Variants in CA10 observed in about 807,000 individuals in gnomAD.
The protein encoded by CA10 is carbonic anhydrase-related protein 10.
Under a neutral mutation model 44.2 loss-of-function variants are expected in CA10, and 14 were observed. The observed-to-expected ratio is 0.32, with a 90% CI of 0.21 to 0.50. The LOEUF (loss-of-function observed/expected upper bound fraction) is 0.50, where lower values mean the gene tolerates loss of function less well. Ranked by LOEUF, CA10 falls within the 20% of genes least tolerant of loss-of-function variation. CA10 has a pLI of 0.99. For missense variants in CA10, 350 were observed against 409.7 expected (o/e 0.85, Z 1.26); for synonymous variants, 159 against 141.6 (o/e 1.12, Z -0.87).
At chr17:52,084,369 C>A (rs1401302810) in intron 1 of CA10, among the ~76,000 whole-genome samples, 3 of 152,220 alleles carry the variant, frequency 2.0e-5, no homozygotes, top group Non-Finnish European at 2.9e-5. Flanking sequence ...ATCCACACAG[C>A]ATTTGCTGAG....
intron 1 of CA10, among the ~76,000 whole-genome samples, chr17:52,118,947 G>A (rs927924771): frequency 6.6e-6 from 1 of 152,056 alleles, no homozygotes; most frequent in African/African-American, 2.4e-5. Flanking sequence ...TTGTGACATT[G>A]GAATAATGAA....
intron 3 of CA10, among the ~76,000 whole-genome samples, chr17:51,877,564 A>G (rs1050313857): frequency 2.6e-5 from 4 of 152,150 alleles, no homozygotes; most frequent in Non-Finnish European, 4.4e-5. Flanking sequence ...AGCTTCTTCA[A>G]TGCACCTTGG....
chr17:51,756,717 C>T (rs1489396315), intron 3 of CA10, among the ~76,000 whole-genome samples: 1 of 152,006 alleles, frequency 6.6e-6, no homozygotes, highest in Non-Finnish European at 1.5e-5. Flanking sequence ...ACCTCATGAT[C>T]CGCCCGTCTT....
intron 2 of CA10, among the ~76,000 whole-genome samples, chr17:52,012,658 C>T (rs1233584548): frequency 6.6e-6 from 1 of 152,000 alleles, no homozygotes; most frequent in African/African-American, 2.4e-5. Context: ...GAATCATACA[C>T]ACAGAAGATT....
At chr17:51,644,021 C>G (rs1913215421) in intron 6 of CA10, among the ~76,000 whole-genome samples, 1 of 152,148 alleles carries the variant, frequency 6.6e-6, no homozygotes, top group South Asian at 2.1e-4. Flanking sequence ...ACACTGCCTC[C>G]CATGGGTGTG....
At chr17:51,696,910 C>T (rs909167194) in intron 4 of CA10, among the ~76,000 whole-genome samples, 8 of 152,080 alleles carry the variant, frequency 5.3e-5, no homozygotes, top group South Asian at 2.1e-4. Context: ...TATTCTTCTG[C>T]ACAGCAAAGA....
intron 3 of CA10, among the ~76,000 whole-genome samples, chr17:51,867,764 G>A (rs1457387334): frequency 1.3e-5 from 2 of 152,156 alleles, no homozygotes; most frequent in Non-Finnish European, 2.9e-5. Flanking sequence ...CAGACCTAGA[G>A]GGAATTGGTA....
chr17:51,798,056 C>T (rs575608614), intron 3 of CA10, among the ~76,000 whole-genome samples: 7 of 152,176 alleles, frequency 4.6e-5, no homozygotes, highest in Non-Finnish European at 1.0e-4. Context: ...AATGGGACTA[C>T]GAGACTAGAA....
At position 51,878,924 on chromosome 17, in the gene CA10, GTGTGTT is replaced by G. The variant is rs1303415813; in HGVS notation, c.279+52060_279+52065del. 5.0e-4 allele frequency among the ~76,000 whole-genome samples: 65 copies of G among 130,246 alleles called. 2 individuals are homozygous for G. In the South Asian group the frequency reaches 7.5e-3, roughly 15 times the overall value. The allele number at this position is 130,246 out of a possible 152,430, so 85.4% of individuals were successfully genotyped here. Reference sequence around the variant, plus strand: ...TGTGTGTGTGTGTGTATGTGTGTATGTGTGTTTGTGTATATATATATATAATGAACA... The same window carrying G: ...TGTGTGTGTGTGTGTATGTGTGTATGTGTGTATATATATATATAATGAACA... On this transcript the variant is annotated intron_variant, in intron 3 of 8. Transcript: ENST00000451037.
chr17:52,021,390 C>T (rs1986134999), intron 2 of CA10, among the ~76,000 whole-genome samples: 1 of 152,076 alleles, frequency 6.6e-6, no homozygotes, highest in Admixed American at 6.6e-5. Context: ...CTTCAAACTG[C>T]TTTCCACAGT....
chr17:52,146,731 C>T (rs1989597914), intron 1 of CA10, among the ~76,000 whole-genome samples: 1 of 151,694 alleles, frequency 6.6e-6, no homozygotes, highest in Non-Finnish European at 1.5e-5. Flanking sequence ...TAAGATGTGG[C>T]AATGTGACTG....
rs148761511 is a variant in CA10 at position 52,126,137 on chromosome 17, T to C, written c.61+31589A>G. The stretch of plus-strand genomic sequence containing the variant: ...TGGTAAGTGTTATGTGAAAAAACAT[T>C]GCTATGATATTGCTCATCCTATCCT... On this transcript the variant is annotated intron_variant, in intron 1 of 8. Coordinates refer to ENST00000451037, the MANE Select transcript of CA10 (RefSeq NM_020178.5). Among the ~76,000 whole-genome samples, 1,159 of 152,278 alleles carry C rather than the reference T, an allele frequency of 7.6e-3. 15 individuals carry two copies. Among genetic ancestry groups the C allele is most frequent in the African/African-American group, 0.026 (1,101 of 41,548 alleles).
intron 1 of CA10, among the ~76,000 whole-genome samples, chr17:52,126,173 G>A (rs1989114939): frequency 6.6e-6 from 1 of 152,154 alleles, no homozygotes; most frequent in Non-Finnish European, 1.5e-5. Flanking sequence ...GGACAAACCT[G>A]TTAAAGCTCT....
At chr17:51,859,514 T>C (rs1979207071) in intron 3 of CA10, among the ~76,000 whole-genome samples, 1 of 152,146 alleles carries the variant, frequency 6.6e-6, no homozygotes, top group Non-Finnish European at 1.5e-5. Flanking sequence ...GGATACCCAG[T>C]CACACAGTGA....
chr17:51,835,344 A>G (rs557672304), intron 3 of CA10, among the ~76,000 whole-genome samples: 2 of 152,238 alleles, frequency 1.3e-5, no homozygotes, highest in African/African-American at 4.8e-5. Context: ...GAGAAGAGAG[A>G]CCACTTTCCC....
At chr17:51,852,270 T>C (rs565657825) in intron 3 of CA10, among the ~76,000 whole-genome samples, 21 of 152,318 alleles carry the variant, frequency 1.4e-4, no homozygotes, top group African/African-American at 4.1e-4. Flanking sequence ...AGATTTCAGC[T>C]GCACCGAGTC....
intron 4 of CA10, among the ~76,000 whole-genome samples, chr17:51,711,277 T>C (rs1314824565): frequency 6.6e-6 from 1 of 152,124 alleles, no homozygotes; most frequent in Non-Finnish European, 1.5e-5. Flanking sequence ...TCAGCGGGTG[T>C]GTTGTTCTGG....
At chr17:51,919,092 A>G (rs536636338) in intron 3 of CA10, among the ~76,000 whole-genome samples, 5 of 152,276 alleles carry the variant, frequency 3.3e-5, no homozygotes, top group African/African-American at 1.2e-4. Flanking sequence ...TTAGAAGAAA[A>G]TGAGCATTTT....
At chr17:52,120,433 C>T (rs1598225207) in intron 1 of CA10, among the ~76,000 whole-genome samples, 1 of 139,670 alleles carries the variant, frequency 7.2e-6, no homozygotes, top group East Asian at 2.0e-4. Flanking sequence ...TATCCTTATC[C>T]TTATCCTTAT....
Sources: allele counts gnomAD v4.1 joint callset (sites outside exome capture counted in the v4.1 genomes callset), GRCh38; gene constraint gnomAD v4.1.1; transcripts MANE v1.5; gene names NCBI Gene and HGNC (gene_info 2026-07-23, HGNC 2026-07-21).